Variants in STXBP5L observed in about 807,000 individuals in gnomAD.
The protein encoded by STXBP5L is syntaxin-binding protein 5-like.
In STXBP5L, 65 loss-of-function variants were observed where a neutral mutation model predicts 144.5. The observed-to-expected ratio is 0.45, with a 90% CI of 0.37 to 0.55. The LOEUF (loss-of-function observed/expected upper bound fraction) is 0.55, where lower values mean the gene tolerates loss of function less well. Ranked by LOEUF, STXBP5L falls within the 20% of genes least tolerant of loss-of-function variation. STXBP5L has a pLI of 0.00. For synonymous variants in STXBP5L, 505 were observed against 469.6 expected, an observed-to-expected ratio of 1.08 and a Z score of -0.97; for missense variants, 1,298 against 1,405.5, an observed-to-expected ratio of 0.92 and a Z score of 1.22.
chr3:120,968,472 C>T (rs1174612922), intron 3 of STXBP5L, among the ~76,000 whole-genome samples: 1 of 152,074 alleles, frequency 6.6e-6, no homozygotes, highest in African/African-American at 2.4e-5. Flanking sequence ...CATCCCTTCA[C>T]TTTCAGTTTG....
chr3:121,317,647 AAGAT>A (rs2043829464), intron 19 of STXBP5L, among the ~76,000 whole-genome samples: 2 of 152,126 alleles, frequency 1.3e-5, no homozygotes, highest in South Asian at 2.1e-4. Context: ...CTTTCTAACA[AAGAT>A]AGAAAAACCA....
At chr3:121,073,720 G>A (rs147786892) in intron 5 of STXBP5L, among the ~76,000 whole-genome samples, 101 of 151,850 alleles carry the variant, frequency 6.7e-4, no homozygotes, top group Non-Finnish European at 8.4e-4. Context: ...CCCTGCCCCC[G>A]CCCCAGCTTT....
At chr3:121,340,299 A>G (rs1465796546) in intron 20 of STXBP5L, among the ~76,000 whole-genome samples, 1 of 152,064 alleles carries the variant, frequency 6.6e-6, no homozygotes, top group Admixed American at 6.6e-5. Flanking sequence ...GGCATGGAAT[A>G]TTATTTTTTT....
At chr3:121,057,816 T>G (rs918447686) in intron 5 of STXBP5L, among the ~76,000 whole-genome samples, 4 of 152,040 alleles carry the variant, frequency 2.6e-5, no homozygotes, top group African/African-American at 9.7e-5. Context: ...ATAATAAAAA[T>G]TTTTAAATTC....
intron 11 of STXBP5L, among the ~76,000 whole-genome samples, chr3:121,229,405 G>T (rs1451187967): frequency 1.3e-5 from 2 of 151,560 alleles, no homozygotes; most frequent in Non-Finnish European, 2.9e-5. Context: ...CCTTACTTTG[G>T]CATACTTTAT....
At chr3:121,209,290 A>G (rs187065908) in intron 10 of STXBP5L, among the ~76,000 whole-genome samples, 1 of 152,178 alleles carries the variant, frequency 6.6e-6, no homozygotes, top group African/African-American at 2.4e-5. Context: ...CATAACCAGA[A>G]ATGGGATTGC....
At chr3:121,155,473 C>T (rs2046082131) in intron 8 of STXBP5L, among the ~76,000 whole-genome samples, 1 of 151,786 alleles carries the variant, frequency 6.6e-6, no homozygotes, top group South Asian at 2.1e-4. Context: ...TTTTGGATTT[C>T]CTTCTTCTTT....
chr3:121,194,500 A>G (rs2047841667), intron 9 of STXBP5L, among the ~76,000 whole-genome samples: 1 of 151,180 alleles, frequency 6.6e-6, no homozygotes, highest in South Asian at 2.1e-4. Flanking sequence ...ATGCCACTGC[A>G]CTCCCTGCCT....
At chr3:121,005,685 G>A (rs1466898651) in intron 3 of STXBP5L, among the ~76,000 whole-genome samples, 30 of 151,928 alleles carry the variant, frequency 2.0e-4, no homozygotes, top group Admixed American at 9.9e-4. Flanking sequence ...TCTTGTGGGC[G>A]TTTAGTGCTA....
Position 121,257,344 on chromosome 3 carries a change from C to A in STXBP5L, c.1832+11C>A. ...TATTCCATGCCTCAAGTAAGAGTTT[C>A]TACCAAATTTTCAAACAATTTTAGA... is the stretch of plus-strand genomic sequence containing the variant. On this transcript the variant is annotated intron_variant, in intron 17 of 26. Coordinates refer to ENST00000471454, the MANE Select transcript of STXBP5L (RefSeq NM_001308330.2). The A allele has an allele frequency of 1.3e-6, 2 of 1,584,656 alleles. No individual in the cohort carries two copies. The highest frequency in any genetic ancestry group is 1.7e-4 in the Middle Eastern group (1 of 5,912).
Position 121,090,773 on chromosome 3 carries a change from A to AT in STXBP5L, c.471-24146dup, listed in dbSNP as rs540210567. ...GCCTCAGATGGTATGAATTTTTTTT[A>AT]TTTTTTATTTTTTTATTATTATACT... On this transcript the variant is annotated intron_variant, in intron 5 of 26. Transcript: ENST00000471454. Among the ~76,000 whole-genome samples the AT allele has an allele frequency of 8.2e-3, 1,238 of 151,788 alleles. 9 individuals carry two copies. Among genetic ancestry groups the AT allele is most frequent in the Non-Finnish European group, 0.012 (796 of 67,864 alleles).
At chr3:120,994,330 T>C (rs781560862) in intron 3 of STXBP5L, among the ~76,000 whole-genome samples, 5 of 152,160 alleles carry the variant, frequency 3.3e-5, no homozygotes, top group Non-Finnish European at 7.4e-5. Flanking sequence ...CTATGTTTTA[T>C]GGATGTGGTG....
chr3:121,000,830 A>G (rs892868059), intron 3 of STXBP5L, among the ~76,000 whole-genome samples: 1 of 152,212 alleles, frequency 6.6e-6, no homozygotes, highest in South Asian at 2.1e-4. Context: ...CGACTGTGGT[A>G]TAAGTTGGGT....
intron 3 of STXBP5L, among the ~76,000 whole-genome samples, chr3:120,959,113 A>G (rs1938419086): frequency 6.6e-6 from 1 of 152,068 alleles, no homozygotes; most frequent in Non-Finnish European, 1.5e-5. Flanking sequence ...CACCAAAAAC[A>G]GACAGAGAGC....
At chr3:121,038,682 A>T (rs1946930889) in intron 3 of STXBP5L, among the ~76,000 whole-genome samples, 1 of 151,850 alleles carries the variant, frequency 6.6e-6, no homozygotes, top group Non-Finnish European at 1.5e-5. Flanking sequence ...GTTATCGAGA[A>T]AGGGGTGCTA....
At chr3:121,235,767 G>A (rs534003062) in intron 12 of STXBP5L, among the ~76,000 whole-genome samples, 15 of 149,864 alleles carry the variant, frequency 1.0e-4, no homozygotes, top group African/African-American at 2.9e-4. Flanking sequence ...TTCTTATTTG[G>A]GATACTATCT....
chr3:121,214,488 G>T (rs1041873993), intron 10 of STXBP5L, among the ~76,000 whole-genome samples: 1 of 152,144 alleles, frequency 6.6e-6, no homozygotes, highest in Non-Finnish European at 1.5e-5. Flanking sequence ...TCAGGAGAAG[G>T]TTGATCAGTT....
At chr3:121,344,047 A>C (rs2044844812) in intron 20 of STXBP5L, among the ~76,000 whole-genome samples, 1 of 152,066 alleles carries the variant, frequency 6.6e-6, no homozygotes, top group African/African-American at 2.4e-5. Flanking sequence ...GTACCAAAAC[A>C]GAGATATAGA....
intron 5 of STXBP5L, among the ~76,000 whole-genome samples, chr3:121,060,961 C>T (rs2041244253): frequency 6.6e-6 from 1 of 152,092 alleles, no homozygotes; most frequent in Non-Finnish European, 1.5e-5. Flanking sequence ...GTTTTCCTGT[C>T]TCTATCTCCT....
Sources: allele counts gnomAD v4.1 joint callset (sites outside exome capture counted in the v4.1 genomes callset), GRCh38; gene constraint gnomAD v4.1.1; transcripts MANE v1.5; gene names NCBI Gene and HGNC (gene_info 2026-07-23, HGNC 2026-07-21).